ANKFY1: variants seen among roughly 807,000 people sequenced by gnomAD.
ANKFY1 encodes the protein ankyrin repeat and FYVE domain containing 1.
A neutral mutation model predicts 128.3 loss-of-function variants in ANKFY1; 47 were observed. That is an observed-to-expected ratio of 0.37 (90% confidence interval 0.29 to 0.47). The LOEUF (loss-of-function observed/expected upper bound fraction) is 0.47, where lower values mean the gene tolerates loss of function less well. ANKFY1 is among the 20% of genes least tolerant of loss of function. The pLI is 1.00. For synonymous variants in ANKFY1, 553 were observed against 601.6 expected, an observed-to-expected ratio of 0.92 and a Z score of 1.18; for missense variants, 1,222 against 1,510.6, an observed-to-expected ratio of 0.81 and a Z score of 3.17.
chr17:4,223,875 T>C (rs1290266993), intron 3 of ANKFY1: 5 of 842,692 alleles, frequency 5.9e-6, no homozygotes, highest in Admixed American at 2.4e-5. Context: ...GTGCCTGTCA[T>C]GGATGCTTTG....
At chr17:4,226,843 T>G (rs1290667859) in intron 3 of ANKFY1, among the ~76,000 whole-genome samples, 1 of 150,914 alleles carries the variant, frequency 6.6e-6, no homozygotes, top group African/African-American at 2.4e-5. Flanking sequence ...AATGCCAAAC[T>G]TCTATAGACT....
At chr17:4,204,691 A>T (rs1222768814) in intron 7 of ANKFY1, among the ~76,000 whole-genome samples, 1 of 152,186 alleles carries the variant, frequency 6.6e-6, no homozygotes, top group Non-Finnish European at 1.5e-5. Context: ...GGAAAGAAAC[A>T]AAATTCTCAG....
intron 13 of ANKFY1, 78 bp from the exon 14 acceptor site, chr17:4,183,629 C>A: frequency 6.4e-7 from 1 of 1,563,240 alleles, no homozygotes; most frequent in Non-Finnish European, 8.7e-7. Flanking sequence ...GCCAGACCCT[C>A]TCAGCTTCTC....
At chr17:4,233,838 T>C (rs938901285) in intron 3 of ANKFY1, among the ~76,000 whole-genome samples, 1 of 152,252 alleles carries the variant, frequency 6.6e-6, no homozygotes, top group Non-Finnish European at 1.5e-5. Flanking sequence ...TCAGTGTTCC[T>C]GGCACTGCGC....
chr17:4,215,575 C>A (rs755454255), intron 4 of ANKFY1, among the ~76,000 whole-genome samples: 1 of 152,128 alleles, frequency 6.6e-6, no homozygotes, highest in Non-Finnish European at 1.5e-5. Context: ...ACTCCACTCC[C>A]GGTGTCTTCC....
chr17:4,235,259 C>A (rs1159401263), intron 3 of ANKFY1, among the ~76,000 whole-genome samples: 1 of 147,798 alleles, frequency 6.8e-6, no homozygotes, highest in Non-Finnish European at 1.5e-5. Flanking sequence ...ACGAGAATCA[C>A]TTGAACCTGG....
Position 4,178,983 on chromosome 17 carries a change from A to G in ANKFY1, c.2472T>C (p.Ser824=). 1.9e-6 allele frequency: 3 copies of G among 1,614,214 alleles called. No homozygotes were observed. Among genetic ancestry groups the G allele is most frequent in the Non-Finnish European group, 2.5e-6 (3 of 1,180,040 alleles). The change falls in exon 18 of 25, where the codon TCT becomes TCC. Residue 824 remains serine, a synonymous_variant. Coordinates refer to ENST00000341657, the MANE Select transcript of ANKFY1 (RefSeq NM_001330063.2). The surrounding 1 kb of genome is among the most constrained non-coding windows in gnomAD (Gnocchi z 4.1). ...QHGVIIQLLV[S]HPDIHLNVRD... Reference sequence around the variant, plus strand: ...GTACATTCAAATGGATATCGGGGTGAGAAACCAACAGCTGAATGATGACAC... The same window carrying G: ...GTACATTCAAATGGATATCGGGGTGGGAAACCAACAGCTGAATGATGACAC...
chr17:4,236,625 C>A (rs984902142), intron 2 of ANKFY1, among the ~76,000 whole-genome samples: 3 of 152,144 alleles, frequency 2.0e-5, no homozygotes, highest in African/African-American at 7.2e-5. Flanking sequence ...GTCAAGATGA[C>A]CCACTAGGCT....
intron 6 of ANKFY1, among the ~76,000 whole-genome samples, chr17:4,207,502 T>C (rs1173075849): frequency 1.3e-5 from 2 of 152,148 alleles, no homozygotes; most frequent in Non-Finnish European, 2.9e-5. Context: ...CTTGAGTCTC[T>C]GGAAAGAAGC....
rs751446400 is a variant in ANKFY1, at chr17:4,197,322, G to C, written c.1103+51C>G. On this transcript the variant is annotated intron_variant, in intron 8 of 24. Coordinates refer to ENST00000341657, the MANE Select transcript of ANKFY1 (RefSeq NM_001330063.2). ...GTATGCCAATTACATGCTACTGTAA[G>C]ATATCTTCTGAGAACAGTGCTAAGG... The C allele has an allele frequency of 2.5e-6, 4 of 1,582,866 alleles. No homozygotes were observed. The African/African-American group carries it at 5.4e-5, about 21-fold the overall frequency.
chr17:4,223,422 C>G, intron 3 of ANKFY1: 1 of 1,412,756 alleles, frequency 7.1e-7, no homozygotes, highest in East Asian at 2.3e-5. Flanking sequence ...AAAGACCTGG[C>G]TGCTAGGAAC....
chr17:4,223,444 T>C (rs1598104880), intron 3 of ANKFY1: 1 of 1,261,864 alleles, frequency 7.9e-7, no homozygotes, highest in Non-Finnish European at 1.2e-6. Flanking sequence ...GTATCACTGA[T>C]GACACACTTC....
rs1390775460 is a variant in ANKFY1, at chr17:4,183,864, G to A, written c.1746C>T (p.Phe582=). ...TCTGGTCTCGGGAATCTTTGAGGCT[G>A]AAGTCCGGAATGATCTGCAAGTTGT... ...ATNNLQIIPD[F]SLKDSRDQTV... is the part of the protein sequence containing the mutation. Residue 582 remains phenylalanine, a synonymous_variant, in exon 13 of 25, where the codon TTC becomes TTT. Coordinates refer to ENST00000341657, the MANE Select transcript of ANKFY1 (RefSeq NM_001330063.2). 55 of 1,614,098 alleles carry A rather than the reference G, an allele frequency of 3.4e-5. No individual in the cohort carries two copies. Among genetic ancestry groups the A allele is most frequent in the Non-Finnish European group, 4.6e-5 (54 of 1,179,920 alleles).
rs2143388949 is a variant in ANKFY1 at position 4,242,463 on chromosome 17, A to G, written c.11-15T>C. 5 of 1,531,760 alleles carry G rather than the reference A, an allele frequency of 3.3e-6. No individual in the cohort carries two copies. Among genetic ancestry groups the G allele is most frequent in the Non-Finnish European group, 4.4e-6 (5 of 1,141,788 alleles). The allele number at this position is 1,531,760 out of a possible 1,614,324, so 94.9% of individuals were successfully genotyped here. A position where few individuals can be genotyped will look rare whatever the true frequency, so the allele number is the denominator to read the frequency against. On this transcript the variant is annotated splice_polypyrimidine_tract_variant and intron_variant, in intron 1 of 24. Coordinates refer to ENST00000341657, the MANE Select transcript of ANKFY1 (RefSeq NM_001330063.2). ...GGCCACCTCCTCTGCAAGGAAAACGAAGAATCAAGTTCACCGTGGCTGCTG... is the reference window on the plus strand; with the variant it reads ...GGCCACCTCCTCTGCAAGGAAAACGGAGAATCAAGTTCACCGTGGCTGCTG...
At chr17:4,197,609 A>G in intron 7 of ANKFY1, 32 bp from the exon 8 acceptor site, 1 of 1,598,888 alleles carries the variant, frequency 6.3e-7, no homozygotes, top group Non-Finnish European at 8.5e-7. Context: ...AAACAGTGTC[A>G]GGGCAAAGTA....
In ANKFY1 at chr17:4,181,938, G is replaced by A. The variant is rs866125641; in HGVS notation, c.2121+243C>T. ...CAACCAACCCCAGGAGAAGGCTCCT[G>A]AGGAAACGCCGCCATTCTCTTGCTT... On this transcript the variant is annotated intron_variant, in intron 15 of 24. Transcript: ENST00000341657. The surrounding 1 kb of genome is among the most constrained non-coding windows in gnomAD (Gnocchi z 4.9). Among the ~76,000 whole-genome samples, 8 of 152,190 alleles carry A rather than the reference G, an allele frequency of 5.3e-5. No homozygotes were observed. The highest frequency in any genetic ancestry group is 1.0e-4 in the Non-Finnish European group (7 of 68,040).
At chr17:4,248,134 T>C in intron 1 of ANKFY1, among the ~76,000 whole-genome samples, 1 of 152,144 alleles carries the variant, frequency 6.6e-6, no homozygotes, top group East Asian at 1.9e-4. Context: ...ATGAGACTAA[T>C]GATACTATCT....
chr17:4,235,929 C>T (rs1966884958), intron 2 of ANKFY1, 39 bp from the exon 3 acceptor site: 1 of 1,437,102 alleles, frequency 7.0e-7, no homozygotes, highest in South Asian at 1.1e-5. Context: ...AGAAAAATGT[C>T]ATCATAACTA....
chr17:4,201,811 T>C (rs6502775), intron 7 of ANKFY1, among the ~76,000 whole-genome samples: 143,622 of 152,210 alleles, frequency 0.94, 68,339 homozygotes, highest in East Asian at 1. Context: ...ATATAGGGGG[T>C]TAGGCTAGGT....
Sources: gnomAD v4.1 joint callset for allele counts (sites outside exome capture counted in the v4.1 genomes callset) on GRCh38, gnomAD v4.1.1 for gene constraint, Gnocchi (gnomAD v3.1) non-coding constraint, MANE v1.5 for transcripts, NCBI Gene and HGNC (gene_info 2026-07-23, HGNC 2026-07-21) for gene names.